Variants in FGD5 observed in about 807,000 individuals in gnomAD.
FGD5 encodes FYVE, RhoGEF and PH domain-containing protein 5.
A neutral mutation model predicts 133.4 loss-of-function variants in FGD5; 28 were observed. That is an observed-to-expected ratio of 0.21 (90% CI 0.16 to 0.29). The LOEUF (loss-of-function observed/expected upper bound fraction) is 0.29, where lower values mean the gene tolerates loss of function less well. Ranked by LOEUF, FGD5 falls within the 10% of genes least tolerant of loss-of-function variation. The pLI, the probability that FGD5 is intolerant of heterozygous loss-of-function variation, is 1.00. For synonymous variants in FGD5, 810 were observed against 776.5 expected (o/e 1.04, Z -0.72); for missense variants, 1,858 against 1,895.2 (o/e 0.98, Z 0.36).
At chr3:14,874,025 C>G (rs2729696) in intron 2 of FGD5, among the ~76,000 whole-genome samples, 1 of 135,856 alleles carries the variant, frequency 7.4e-6, no homozygotes, top group Non-Finnish European at 1.7e-5. Context: ...CCCAGCCAGA[C>G]CTACACTCTT....
At chr3:14,831,159 G>C (rs1028497874) in intron 1 of FGD5, among the ~76,000 whole-genome samples, 1 of 152,158 alleles carries the variant, frequency 6.6e-6, no homozygotes, top group Non-Finnish European at 1.5e-5. Flanking sequence ...GCCTTTGTGG[G>C]GTTCGTAGAG....
At chr3:14,914,806 T>C (rs1039158348) in intron 11 of FGD5, among the ~76,000 whole-genome samples, 3 of 152,210 alleles carry the variant, frequency 2.0e-5, no homozygotes, top group African/African-American at 7.2e-5. Flanking sequence ...ATGAGGATGA[T>C]GATCATGGTG....
intron 1 of FGD5, among the ~76,000 whole-genome samples, chr3:14,836,868 G>T (rs1045490268): frequency 2.6e-5 from 4 of 152,220 alleles, no homozygotes; most frequent in Non-Finnish European, 5.9e-5. Flanking sequence ...TGAGGCACTC[G>T]CAGGGTTAAC....
At chr3:14,915,385 C>T (rs2038533048) in intron 11 of FGD5, among the ~76,000 whole-genome samples, 1 of 152,262 alleles carries the variant, frequency 6.6e-6, no homozygotes, top group African/African-American at 2.4e-5. Flanking sequence ...TCCATCCTTA[C>T]ACATCCCTAC....
At chr3:14,866,221 G>A (rs1391947712) in intron 2 of FGD5, among the ~76,000 whole-genome samples, 2 of 152,162 alleles carry the variant, frequency 1.3e-5, no homozygotes, top group African/African-American at 4.8e-5. Flanking sequence ...CTGAAAGAGA[G>A]CACTAATAGT....
intron 19 of FGD5, 104 bp downstream of exon 19, chr3:14,932,835 A>G (rs1428799874): frequency 1.6e-5 from 21 of 1,352,774 alleles, no homozygotes; most frequent in Non-Finnish European, 1.7e-5. Context: ...ATCCTATCCC[A>G]TTAGGTCCCT....
chr3:14,913,187 C>G (rs530414033), intron 11 of FGD5, among the ~76,000 whole-genome samples: 7 of 149,302 alleles, frequency 4.7e-5, no homozygotes, highest in Non-Finnish European at 1.5e-5. Context: ...CCTCAAGTCT[C>G]CCCCCAGGAA....
intron 18 of FGD5, chr3:14,931,071 A>G (rs1247024910): frequency 2.0e-5 from 3 of 152,124 alleles, no homozygotes; most frequent in Non-Finnish European, 4.4e-5. Context: ...CTCCAGTACA[A>G]TGTTGAATTG....
At chr3:14,901,694 A>G (rs2038242227) in intron 9 of FGD5, among the ~76,000 whole-genome samples, 1 of 152,238 alleles carries the variant, frequency 6.6e-6, no homozygotes, top group Admixed American at 6.5e-5. Context: ...CATCTTCTGC[A>G]GGCACAGAAG....
At chr3:14,913,286 G>C (rs547137852) in intron 11 of FGD5, among the ~76,000 whole-genome samples, 11 of 152,284 alleles carry the variant, frequency 7.2e-5, no homozygotes, top group African/African-American at 2.4e-4. Context: ...GATAGTAGTT[G>C]TAACAGTTTC....
At position 14,820,754 on chromosome 3, in the gene FGD5, C is replaced by T. The variant is rs780873622; in HGVS notation, c.1683C>T (p.Ser561=). 30 of 1,611,848 alleles carry T rather than the reference C, an allele frequency of 1.9e-5. No homozygotes were observed. The highest frequency in any genetic ancestry group is 3.4e-5 in the Admixed American group (2 of 59,604). ...TGGAAGGCCGAGAGATTCCAGTGTC[C>T]GTGTACCAGGAGCCTGAGGGGTCAG... The part of the protein sequence containing the change: ...FSVEGREIPV[S]VYQEPEGSGL... Residue 561 remains serine, a synonymous_variant, in exon 1 of 20, where the codon TCC becomes TCT. Transcript: ENST00000285046.
intron 4 of FGD5, among the ~76,000 whole-genome samples, chr3:14,892,443 C>G (rs1197109324): frequency 6.6e-6 from 1 of 152,162 alleles, no homozygotes; most frequent in African/African-American, 2.4e-5. Context: ...AAGCGATCCT[C>G]CCGTGTTGGC....
chr3:14,884,217 A>G (rs183364810), intron 4 of FGD5, among the ~76,000 whole-genome samples: 1 of 152,332 alleles, frequency 6.6e-6, no homozygotes, highest in African/African-American at 2.4e-5. Flanking sequence ...CATCTAAAAC[A>G]AGTCTCTCCT....
chr3:14,878,158 C>A (rs1271062116), intron 2 of FGD5, among the ~76,000 whole-genome samples: 1 of 152,118 alleles, frequency 6.6e-6, no homozygotes, highest in Non-Finnish European at 1.5e-5. Context: ...ATGCAGAGGC[C>A]CTGAGTCAGG....
In FGD5 at chr3:14,922,172, CAG is replaced by C; in HGVS notation, c.3669+156_3669+157del. ...ACCCCTGCCATGCTCCCACCCTAGT[CAG>C]GGGCGGCCTCCGTGTAACCTAGGAG... On this transcript the variant is annotated intron_variant, in intron 14 of 19. Transcript: ENST00000285046. This position sits in a 1 kb window ranked among gnomAD's most constrained non-coding sequence, Gnocchi z 4.1. 2 of 982,484 alleles carry C rather than the reference CAG, an allele frequency of 2.0e-6. No homozygotes were observed. Among genetic ancestry groups the C allele is most frequent in the Non-Finnish European group, 3.0e-6 (2 of 662,910 alleles). The allele number at this position is 982,484 out of a possible 1,614,324, so 60.9% of individuals were successfully genotyped here.
intron 9 of FGD5, among the ~76,000 whole-genome samples, chr3:14,903,456 A>C: frequency 6.8e-6 from 1 of 147,910 alleles, no homozygotes; most frequent in African/African-American, 2.5e-5. Flanking sequence ...GCACCCACTA[A>C]CTCGTCATCT....
chr3:14,826,947 A>C (rs2036611670), intron 1 of FGD5, among the ~76,000 whole-genome samples: 1 of 151,014 alleles, frequency 6.6e-6, no homozygotes, highest in South Asian at 2.1e-4. Context: ...ACATCTGAGC[A>C]ATATTGATTT....
chr3:14,840,146 CTT>C (rs59846352), intron 1 of FGD5, among the ~76,000 whole-genome samples: 95,461 of 145,460 alleles, frequency 0.66, 31,237 homozygotes, highest in African/African-American at 0.73. Context: ...ATGTTTCTTT[CTT>C]TTTTTTTTTT....
intron 2 of FGD5, among the ~76,000 whole-genome samples, chr3:14,872,093 A>C (rs2037621146): frequency 6.6e-6 from 1 of 152,222 alleles, no homozygotes; most frequent in South Asian, 2.1e-4. Flanking sequence ...GCAATCACCC[A>C]GTCTATGTGG....
Sources: gnomAD v4.1 joint callset for allele counts (sites outside exome capture counted in the v4.1 genomes callset) on GRCh38, gnomAD v4.1.1 for gene constraint, Gnocchi (gnomAD v3.1) non-coding constraint, MANE v1.5 for transcripts, NCBI Gene and HGNC (gene_info 2026-07-23, HGNC 2026-07-21) for gene names.